Variants in NXNL2 observed in about 807,000 individuals in gnomAD.
NXNL2 encodes the protein nucleoredoxin like 2.
In NXNL2, 7 loss-of-function variants were observed where a neutral mutation model predicts 11.1. That is an observed-to-expected ratio of 0.63 (90% confidence interval 0.36 to 1.18). The LOEUF (loss-of-function observed/expected upper bound fraction) is 1.18. NXNL2 is among the 50% of genes most tolerant of loss of function. The probability of loss-of-function intolerance (pLI) is 0.02; values close to 1 mark genes in which losing one functional copy is unlikely to be tolerated. For missense variants in NXNL2, 233 were observed against 217.7 expected (o/e 1.07, Z -0.44); for synonymous variants, 109 against 101.8 (o/e 1.07, Z -0.42).
chr9:88,544,880 A>G lies in NXNL2; in HGVS notation c.*333A>G. ...TGTACAAGTCTCTTCAGGTAAAATA[A>G]TATATTTATTGATAACATTTTCTGG... On this transcript the variant is annotated 3_prime_UTR_variant, in exon 2 of 2. Coordinates refer to ENST00000375854, the MANE Select transcript of NXNL2 (RefSeq NM_001161625.2). The G allele has an allele frequency of 9.9e-7, 1 of 1,005,854 alleles. No homozygotes were observed. The highest frequency in any genetic ancestry group is 1.2e-6 in the Non-Finnish European group (1 of 841,246). 62.3% of individuals were successfully genotyped at this position (1,005,854 alleles called of 1,614,324 possible). A position where few individuals can be genotyped will look rare whatever the true frequency, so the allele number is the denominator to read the frequency against.
intron 1 of NXNL2, among the ~76,000 whole-genome samples, chr9:88,553,740 A>G (rs1192482768): frequency 6.6e-6 from 1 of 152,204 alleles, no homozygotes; most frequent in Admixed American, 6.5e-5. Context: ...ATATTATTCC[A>G]GATATATTTA....
intron 1 of NXNL2, among the ~76,000 whole-genome samples, chr9:88,537,971 G>A (rs191422889): frequency 6.6e-6 from 1 of 152,326 alleles, no homozygotes; most frequent in Non-Finnish European, 1.5e-5. Flanking sequence ...AGGGACCAAC[G>A]CTGGTTGCAA....
At chr9:88,577,654 G>A (rs1000093247), downstream of NXNL2, among the ~76,000 whole-genome samples, 2 of 151,734 alleles carry the variant, frequency 1.3e-5, no homozygotes, top group African/African-American at 4.8e-5. Context: ...AGAAGAGAGC[G>A]AGCGAGCGCA....
chr9:88,581,234 C>T (rs1288366277), intron 1 of NXNL2, among the ~76,000 whole-genome samples: 2 of 152,184 alleles, frequency 1.3e-5, no homozygotes, highest in Non-Finnish European at 2.9e-5. Flanking sequence ...CTTCTGTCTG[C>T]AGCTACCCAC....
chr9:88,552,888 G>A (rs7028125), intron 1 of NXNL2, among the ~76,000 whole-genome samples: 9,802 of 152,184 alleles, frequency 0.064, 549 homozygotes, highest in African/African-American at 0.14. Flanking sequence ...ATTGTGCCCA[G>A]TTGAATCTGA....
downstream of NXNL2, among the ~76,000 whole-genome samples, chr9:88,548,314 G>A (rs1829873755): frequency 8.8e-6 from 1 of 113,638 alleles, no homozygotes. Flanking sequence ...ACTCCAGCCT[G>A]GGCAACAAGA....
At chr9:88,572,449 T>C (rs543926463) in intron 2 of NXNL2, among the ~76,000 whole-genome samples, 62 of 152,184 alleles carry the variant, frequency 4.1e-4, no homozygotes, top group African/African-American at 1.5e-3. Flanking sequence ...AAGTAGCGGC[T>C]CCTCCTGCAG....
chr9:88,546,230 C>CT (rs1167183555), downstream of NXNL2, among the ~76,000 whole-genome samples: 1 of 151,540 alleles, frequency 6.6e-6, no homozygotes, highest in Non-Finnish European at 1.5e-5. Flanking sequence ...TCCTGGTAAA[C>CT]GTGCTTGTAA....
intron 1 of NXNL2, among the ~76,000 whole-genome samples, chr9:88,560,907 C>T (rs774263060): frequency 1.1e-4 from 17 of 152,180 alleles, no homozygotes; most frequent in East Asian, 9.7e-4. Flanking sequence ...GAGAGCACTG[C>T]GCTGGGGGAG....
At chr9:88,538,841 C>G (rs76922343) in intron 1 of NXNL2, among the ~76,000 whole-genome samples, 2 of 152,230 alleles carry the variant, frequency 1.3e-5, no homozygotes, top group African/African-American at 4.8e-5. Context: ...TTAATCCTCA[C>G]AACAACTCCA....
At chr9:88,577,623 A>AAGAGAGAG (rs5899044), downstream of NXNL2, among the ~76,000 whole-genome samples, 496 of 149,486 alleles carry the variant, frequency 3.3e-3, 1 homozygote, top group Non-Finnish European at 4.1e-3. Flanking sequence ...TGGAGAGAGA[A>AAGAGAGAG]AGAGAGAGAG....
At chr9:88,551,029 C>T (rs781666616) in intron 1 of NXNL2, among the ~76,000 whole-genome samples, 5 of 152,182 alleles carry the variant, frequency 3.3e-5, no homozygotes, top group African/African-American at 7.2e-5. Flanking sequence ...CCATGCTTGT[C>T]GGGGGTGGCA....
At chr9:88,552,511 C>T (rs1411794810) in intron 1 of NXNL2, among the ~76,000 whole-genome samples, 1 of 143,484 alleles carries the variant, frequency 7.0e-6, no homozygotes, top group Admixed American at 7.2e-5. Flanking sequence ...CTCGCTCTGT[C>T]ACCCAGGCTG....
chr9:88,546,284 T>C (rs1829844862), downstream of NXNL2, among the ~76,000 whole-genome samples: 1 of 151,988 alleles, frequency 6.6e-6, no homozygotes, highest in Non-Finnish European at 1.5e-5. Context: ...AAGATTTTGC[T>C]TTGGGGTGAC....
intron 1 of NXNL2, among the ~76,000 whole-genome samples, chr9:88,538,858 G>T (rs1829687701): frequency 6.6e-6 from 1 of 152,200 alleles, no homozygotes; most frequent in African/African-American, 2.4e-5. Flanking sequence ...TCCAGGAGGT[G>T]GATTCTGTTA....
chr9:88,535,500 G>A lies in NXNL2; in HGVS notation c.66G>A (p.Ala22=), dbSNP rs892354364. ...AGGGCGCGACGGTGGAGGCCGAGGC[G>A]GCGCTGCAGAACAAGGTGGTGGCAC... is the stretch of plus-strand genomic sequence containing the variant. The part of the protein sequence containing the change: ...TCKGATVEAE[A]ALQNKVVALY... Residue 22 remains alanine, a synonymous_variant, in exon 1 of 2, where the codon GCG becomes GCA. Coordinates refer to ENST00000375854, the MANE Select transcript of NXNL2 (RefSeq NM_001161625.2). The A allele has an allele frequency of 3.1e-6, 5 of 1,609,844 alleles. No homozygotes were observed. The highest frequency in any genetic ancestry group is 4.2e-6 in the Non-Finnish European group (5 of 1,178,946).
intron 1 of NXNL2, among the ~76,000 whole-genome samples, chr9:88,550,392 A>G (rs575754183): frequency 6.6e-6 from 1 of 152,244 alleles, no homozygotes; most frequent in Admixed American, 6.5e-5. Flanking sequence ...AGTGAGAGAA[A>G]GTGAGGCATT....
chr9:88,557,107 AAGAT>A (rs1830026785), intron 1 of NXNL2, among the ~76,000 whole-genome samples: 1 of 150,432 alleles, frequency 6.6e-6, no homozygotes, highest in African/African-American at 2.5e-5. Context: ...AAAAAAAAGA[AAGAT>A]GTTGAAATTC....
downstream of NXNL2, among the ~76,000 whole-genome samples, chr9:88,578,082 G>A (rs1456449107): frequency 6.6e-6 from 1 of 152,256 alleles, no homozygotes; most frequent in Non-Finnish European, 1.5e-5. Context: ...ATGTCGCTAT[G>A]AAAACAAGTT....
Sources: allele counts gnomAD v4.1 joint callset (sites outside exome capture counted in the v4.1 genomes callset), GRCh38; gene constraint gnomAD v4.1.1; transcripts MANE v1.5; gene names NCBI Gene and HGNC (gene_info 2026-07-23, HGNC 2026-07-21).